SNX25: variants seen among roughly 807,000 people sequenced by gnomAD.
The protein encoded by SNX25 is sorting nexin 25.
A neutral mutation model predicts 113.7 loss-of-function variants in SNX25; 62 were observed. That is an observed-to-expected ratio of 0.55 (90% CI 0.44 to 0.67). SNX25 has a LOEUF of 0.67. Among genes scored for constraint, SNX25 ranks in the 30% least tolerant of loss-of-function variants. The pLI, the probability that SNX25 is intolerant of heterozygous loss-of-function variation, is 0.00. For synonymous variants in SNX25, 421 were observed against 436.2 expected, an observed-to-expected ratio of 0.97 and a Z score of 0.43; for missense variants, 1,014 against 1,161.0, an observed-to-expected ratio of 0.87 and a Z score of 1.84.
At chr4:185,372,981 A>G (rs753357070), downstream of SNX25, 5 of 1,613,908 alleles carry the variant, frequency 3.1e-6, no homozygotes, top group Middle Eastern at 1.6e-4. Context: ...CAGCTTCCGT[A>G]TCCTGCCGGA....
At chr4:185,317,694 G>A (rs73027785) in intron 7 of SNX25, among the ~76,000 whole-genome samples, 408 of 151,930 alleles carry the variant, frequency 2.7e-3, no homozygotes, top group African/African-American at 9.1e-3. Flanking sequence ...GCTAGAAAAC[G>A]AAACACCACA....
intron 5 of SNX25, among the ~76,000 whole-genome samples, chr4:185,282,858 A>G (rs2126595778): frequency 6.6e-6 from 1 of 152,358 alleles, no homozygotes; most frequent in South Asian, 2.1e-4. Flanking sequence ...CAGCACTTGC[A>G]AAGTCGTATC....
intron 4 of SNX25, among the ~76,000 whole-genome samples, chr4:185,265,191 A>G (rs1286287886): frequency 6.6e-6 from 1 of 152,172 alleles, no homozygotes; most frequent in Non-Finnish European, 1.5e-5. Context: ...ATTTGTTGAT[A>G]ATGCGTATAC....
intron 1 of SNX25, among the ~76,000 whole-genome samples, chr4:185,218,198 C>T (rs1161962726): frequency 1.3e-5 from 2 of 152,224 alleles, no homozygotes; most frequent in African/African-American, 4.8e-5. Flanking sequence ...GATTCTCCTG[C>T]CTCAGCCTCC....
At chr4:185,339,690 A>T (rs751451953) in intron 11 of SNX25, among the ~76,000 whole-genome samples, 180 bp downstream of exon 11, 1 of 152,160 alleles carries the variant, frequency 6.6e-6, no homozygotes, top group African/African-American at 2.4e-5. Context: ...TGGGAACTAT[A>T]CAAGGCTGCT....
At chr4:185,372,853 C>G, downstream of SNX25, 1 of 1,594,906 alleles carries the variant, frequency 6.3e-7, no homozygotes, top group Non-Finnish European at 8.6e-7. Context: ...CAAAGACATT[C>G]ACCTTTTGGA....
At chr4:185,273,830 G>A in intron 5 of SNX25, among the ~76,000 whole-genome samples, 1 of 152,150 alleles carries the variant, frequency 6.6e-6, no homozygotes, top group East Asian at 1.9e-4. Context: ...CCAATGGCAG[G>A]ATTTCCTTCT....
rs551644409 is a variant in SNX25, at chr4:185,317,516, G to T, written c.1345-3217G>T. 2.0e-5 allele frequency among the ~76,000 whole-genome samples: 3 copies of T among 152,234 alleles called. No homozygotes were observed. The South Asian group carries it at 6.2e-4, about 32-fold the overall frequency. ...AAATCATTCTGCTGTAAAGACACAT[G>T]CACTTGTATGTTTATTACAGCACTA... On this transcript the variant is annotated intron_variant, in intron 7 of 18. Transcript: ENST00000652585.
At chr4:185,344,900 T>A (rs1237622665) in intron 12 of SNX25, among the ~76,000 whole-genome samples, 1 of 152,220 alleles carries the variant, frequency 6.6e-6, no homozygotes, top group Non-Finnish European at 1.5e-5. Flanking sequence ...ACCTTAGCAC[T>A]GTGGAAAGCA....
intron 6 of SNX25, among the ~76,000 whole-genome samples, chr4:185,300,302 G>C (rs986205556): frequency 1.3e-5 from 2 of 151,518 alleles, no homozygotes; most frequent in Non-Finnish European, 2.9e-5. Flanking sequence ...GGGATTACAG[G>C]CGCCTGCCCC....
intron 1 of SNX25, among the ~76,000 whole-genome samples, chr4:185,237,512 A>G (rs555585825): frequency 6.6e-6 from 1 of 152,054 alleles, no homozygotes; most frequent in Non-Finnish European, 1.5e-5. Flanking sequence ...CTGTGCCTTT[A>G]GAAAACCCCT....
chr4:185,320,970 T>G, intron 8 of SNX25, 106 bp downstream of exon 8: 3 of 957,546 alleles, frequency 3.1e-6, no homozygotes, highest in Non-Finnish European at 2.9e-6. Context: ...TAAAAATATT[T>G]TAAACCAAAT....
At chr4:185,377,790 C>G in the SNX25 span, 1 of 265,914 alleles carries the variant, frequency 3.8e-6, no homozygotes. Flanking sequence ...CAAGTCAAGC[C>G]TGGCATTGTT....
intron 18 of SNX25, 126 bp downstream of exon 18, chr4:185,362,837 CTTTTTTTT>C: frequency 8.1e-6 from 2 of 248,018 alleles, no homozygotes; most frequent in Non-Finnish European, 1.4e-5. Flanking sequence ...TCTCCCTTGA[CTTTTTTTT>C]TTTTTTTTTT....
intron 1 of SNX25, among the ~76,000 whole-genome samples, chr4:185,214,079 C>T (rs937364982): frequency 1.3e-5 from 2 of 152,116 alleles, no homozygotes; most frequent in East Asian, 1.9e-4. Context: ...CCCAGTTCCC[C>T]ACTTCCCCTT....
chr4:185,315,227 C>CAA (rs1231470928), intron 7 of SNX25, among the ~76,000 whole-genome samples: 2 of 114,002 alleles, frequency 1.8e-5, no homozygotes, highest in African/African-American at 6.2e-5. Context: ...GACTCCATCT[C>CAA]AAAAAAAAAG....
intron 7 of SNX25, among the ~76,000 whole-genome samples, chr4:185,311,920 C>T (rs2126667340): frequency 6.6e-6 from 1 of 152,188 alleles, no homozygotes; most frequent in Non-Finnish European, 1.5e-5. Context: ...AATCCTCTAA[C>T]CACAGGAAGT....
chr4:185,330,389 G>A (rs1186160760), intron 9 of SNX25, among the ~76,000 whole-genome samples: 1 of 152,222 alleles, frequency 6.6e-6, no homozygotes, highest in African/African-American at 2.4e-5. Context: ...TGATCTTGCT[G>A]ACCTTAGCCA....
At chr4:185,310,926 C>A in intron 7 of SNX25, 110 bp downstream of exon 7, 1 of 1,041,274 alleles carries the variant, frequency 9.6e-7, no homozygotes, top group Non-Finnish European at 1.4e-6. Context: ...ACATGTGTGC[C>A]ATAACTACAC....
Sources: gnomAD v4.1 joint callset for allele counts (sites outside exome capture counted in the v4.1 genomes callset) on GRCh38, gnomAD v4.1.1 for gene constraint, MANE v1.5 for transcripts, NCBI Gene and HGNC (gene_info 2026-07-23, HGNC 2026-07-21) for gene names.